Variants in BATF observed in about 807,000 individuals in gnomAD.
The protein encoded by BATF is basic leucine zipper ATF-like transcription factor, also known as basic leucine zipper transcriptional factor ATF-like.
BATF carries 5 observed loss-of-function variants against 13.7 expected under a neutral mutation model. The observed-to-expected ratio is 0.36, with a 90% CI of 0.19 to 0.77. The LOEUF (loss-of-function observed/expected upper bound fraction) is 0.77, where lower values mean the gene tolerates loss of function less well. BATF is among the 30% of genes least tolerant of loss of function. The probability of loss-of-function intolerance (pLI) is 0.51; values close to 1 mark genes in which losing one functional copy is unlikely to be tolerated. For missense variants in BATF, 124 were observed against 163.0 expected (o/e 0.76, Z 1.30); for synonymous variants, 72 against 67.5 (o/e 1.07, Z -0.33).
At chr14:75,531,587 G>T (rs1045583755) in intron 2 of BATF, among the ~76,000 whole-genome samples, 1 of 152,142 alleles carries the variant, frequency 6.6e-6, no homozygotes, top group Non-Finnish European at 1.5e-5. Context: ...GCCTCCTGAA[G>T]GAGTCTCACA....
intron 2 of BATF, among the ~76,000 whole-genome samples, chr14:75,536,144 A>T (rs1566767996): frequency 6.6e-6 from 1 of 152,190 alleles, no homozygotes; most frequent in Non-Finnish European, 1.5e-5. Context: ...AAATAAACAC[A>T]CTAATCACAT....
intron 1 of BATF, among the ~76,000 whole-genome samples, chr14:75,523,193 G>A (rs114106479): frequency 1.1e-3 from 146 of 130,072 alleles, no homozygotes; most frequent in African/African-American, 4.3e-3. Flanking sequence ...GGGAGAAAAG[G>A]GGTTAGGGAA....
At chr14:75,527,869 G>A (rs1006089401) in intron 2 of BATF, among the ~76,000 whole-genome samples, 3 of 152,194 alleles carry the variant, frequency 2.0e-5, no homozygotes, top group Non-Finnish European at 2.9e-5. Flanking sequence ...AGGTCGCAGC[G>A]GAGTTGATGC....
At chr14:75,546,255 A>G (rs1887983955) in intron 2 of BATF, among the ~76,000 whole-genome samples, 1 of 152,132 alleles carries the variant, frequency 6.6e-6, no homozygotes, top group South Asian at 2.1e-4. Flanking sequence ...ACACCCACCC[A>G]TGTGCTTACG....
chr14:75,541,812 C>G (rs763183331), intron 2 of BATF, among the ~76,000 whole-genome samples: 1 of 152,104 alleles, frequency 6.6e-6, no homozygotes, highest in Admixed American at 6.5e-5. Context: ...TACAGGCATG[C>G]GCCACCACGC....
chr14:75,546,837 CAG>C lies in BATF; in HGVS notation c.*167_*168del, dbSNP rs1887996164. The C allele has an allele frequency of 1.0e-6, 1 of 962,310 alleles. No individual in the cohort carries two copies. 59.6% of individuals were successfully genotyped at this position (962,310 alleles called of 1,614,324 possible). A position where few individuals can be genotyped will look rare whatever the true frequency, so the allele number is the denominator to read the frequency against. On this transcript the variant is annotated 3_prime_UTR_variant, in exon 3 of 3. Transcript: ENST00000286639. ...ACTGGAAGGGCGTGAGGCCTCCCAGCAGTGCCGCAGCGTTTCGAGGGGCGTGT... is the reference window on the plus strand; with the variant it reads ...ACTGGAAGGGCGTGAGGCCTCCCAGCTGCCGCAGCGTTTCGAGGGGCGTGT...
chr14:75,539,451 T>TTTTTTTTTTTTC (rs376041946), intron 2 of BATF, among the ~76,000 whole-genome samples: 2 of 146,694 alleles, frequency 1.4e-5, no homozygotes, highest in South Asian at 2.2e-4. Context: ...TTTTTTTTTT[T>TTTTTTTTTTTTC]AGCAATTCTT....
At chr14:75,546,118 T>C (rs1388484375) in intron 2 of BATF, among the ~76,000 whole-genome samples, 1 of 152,076 alleles carries the variant, frequency 6.6e-6, no homozygotes, top group Non-Finnish European at 1.5e-5. Context: ...CGCCTCGGCC[T>C]CCTAAAGGGC....
chr14:75,528,092 G>C (rs1887678821), intron 2 of BATF, among the ~76,000 whole-genome samples: 1 of 152,170 alleles, frequency 6.6e-6, no homozygotes, highest in South Asian at 2.1e-4. Flanking sequence ...TACCACCAGT[G>C]TCAGGGCTCA....
intron 2 of BATF, among the ~76,000 whole-genome samples, chr14:75,527,767 G>A (rs1887674846): frequency 6.6e-6 from 1 of 152,184 alleles, no homozygotes; most frequent in Non-Finnish European, 1.5e-5. Context: ...TTTCTAGAAT[G>A]TTCCAATCTT....
At position 75,533,099 on chromosome 14, in the gene BATF, C is replaced by T. The variant is rs531074568; in HGVS notation, c.168+7911C>T. On this transcript the variant is annotated intron_variant, in intron 2 of 2. Coordinates refer to ENST00000286639, the MANE Select transcript of BATF (RefSeq NM_006399.5). ...CCCTAACTGCTTGTCTTACCGATGACGGGTCGGCATGGCTAAGTTTGGGAG... is the reference window on the plus strand; with the variant it reads ...CCCTAACTGCTTGTCTTACCGATGATGGGTCGGCATGGCTAAGTTTGGGAG... 5.9e-5 allele frequency among the ~76,000 whole-genome samples: 9 copies of T among 152,180 alleles called. No homozygotes were observed. The South Asian group carries it at 6.2e-4, about 11-fold the overall frequency.
At chr14:75,536,303 G>C (rs1349580538) in intron 2 of BATF, among the ~76,000 whole-genome samples, 1 of 152,212 alleles carries the variant, frequency 6.6e-6, no homozygotes, top group African/African-American at 2.4e-5. Flanking sequence ...AAAGATCTGG[G>C]GAGAGGGTGA....
At position 75,525,166 on chromosome 14, in the gene BATF, A is replaced by G; in HGVS notation, c.146A>G (p.Gln49Arg). 1 of 1,614,040 alleles carries G rather than the reference A, an allele frequency of 6.2e-7. No individual in the cohort carries two copies. Among genetic ancestry groups the G allele is most frequent in the Non-Finnish European group, 8.5e-7 (1 of 1,179,972 alleles). ...CAGAAGAGCCGACAGAGGCAGACAC[A>G]GAAGGCCGACACCCTGCACCTGGTA... Reference protein sequence around the residue: ...AAQKSRQRQTQKADTLHLESE... With the variant: ...AAQKSRQRQTRKADTLHLESE... The change falls in exon 2 of 3, where the codon CAG becomes CGG. Residue 49 changes from glutamine to arginine, a missense_variant. Coordinates refer to ENST00000286639, the MANE Select transcript of BATF (RefSeq NM_006399.5).
At chr14:75,528,037 A>T (rs891939683) in intron 2 of BATF, among the ~76,000 whole-genome samples, 28 of 151,924 alleles carry the variant, frequency 1.8e-4, no homozygotes, top group African/African-American at 6.8e-4. Flanking sequence ...TCCATCCATT[A>T]TCCTCTTAAT....
At chr14:75,540,913 C>T (rs1887886611) in intron 2 of BATF, among the ~76,000 whole-genome samples, 1 of 152,120 alleles carries the variant, frequency 6.6e-6, no homozygotes, top group African/African-American at 2.4e-5. Flanking sequence ...TGGTGAAACC[C>T]CGTCTCTACT....
At chr14:75,546,109 G>C (rs989760187) in intron 2 of BATF, among the ~76,000 whole-genome samples, 1 of 152,008 alleles carries the variant, frequency 6.6e-6, no homozygotes, top group Admixed American at 6.6e-5. Flanking sequence ...CAATCCGCCC[G>C]CCTCGGCCTC....
chr14:75,546,584 C>G lies in BATF; in HGVS notation c.291C>G (p.Ala97=), dbSNP rs753677042. Residue 97 remains alanine, a synonymous_variant, in exon 3 of 3, where the codon GCC becomes GCG. Transcript: ENST00000286639. ...ACGAGCCCCTGTGCTCGGTGCTGGC[C>G]GCCAGCACGCCCTCGCCCCCCGAGG... ...NSHEPLCSVL[A]ASTPSPPEVV... 3.7e-6 allele frequency: 6 copies of G among 1,613,970 alleles called. No individual in the cohort carries two copies. The highest frequency in any genetic ancestry group is 5.1e-6 in the Non-Finnish European group (6 of 1,179,990).
chr14:75,522,678 C>G lies in BATF; in HGVS notation c.-5C>G. 1 of 1,614,130 alleles carries G rather than the reference C, an allele frequency of 6.2e-7. No homozygotes were observed. Among genetic ancestry groups the G allele is most frequent in the South Asian group, 1.1e-5 (1 of 91,076 alleles). ...CTGAGTGTGAGAGCCCGGAAGATTT[C>G]AGCCATGCCTCACAGCTCCGACAGC... is the stretch of plus-strand genomic sequence containing the variant. On this transcript the variant is annotated 5_prime_UTR_variant, in exon 1 of 3. Coordinates refer to ENST00000286639, the MANE Select transcript of BATF (RefSeq NM_006399.5).
chr14:75,522,992 C>A (rs1395648169), intron 1 of BATF, among the ~76,000 whole-genome samples: 1 of 152,148 alleles, frequency 6.6e-6, no homozygotes, highest in African/African-American at 2.4e-5. Context: ...ATCACCTCTG[C>A]CTCACTGGGG....
Sources: allele counts gnomAD v4.1 joint callset (sites outside exome capture counted in the v4.1 genomes callset), GRCh38; gene constraint gnomAD v4.1.1; transcripts MANE v1.5; gene names NCBI Gene and HGNC (gene_info 2026-07-23, HGNC 2026-07-21).